The following ADGRL1 variants were observed in gnomAD, a reference collection of about 807,000 sequenced individuals.
ADGRL1 encodes the protein adhesion G protein-coupled receptor L1.
In ADGRL1, 31 loss-of-function variants were observed where a neutral mutation model predicts 148.9. The ratio of observed to expected loss-of-function variants is 0.21; its 90% CI spans 0.16 to 0.28. ADGRL1 has a LOEUF of 0.28. Among genes scored for constraint, ADGRL1 ranks in the 10% least tolerant of loss-of-function variants. The probability of loss-of-function intolerance (pLI) is 1.00; values close to 1 mark genes in which losing one functional copy is unlikely to be tolerated. For synonymous variants in ADGRL1, 937 were observed against 900.3 expected (o/e 1.04, Z -0.73); for missense variants, 1,521 against 2,058.8 (o/e 0.74, Z 5.05).
chr19:14,186,375 T>C (rs1971574054), intron 1 of ADGRL1, among the ~76,000 whole-genome samples: 1 of 152,170 alleles, frequency 6.6e-6, no homozygotes, highest in East Asian at 1.9e-4. Flanking sequence ...ATCCTCAACT[T>C]TTAGAATAGG....
chr19:14,185,145 G>A (rs945540535), intron 1 of ADGRL1, among the ~76,000 whole-genome samples: 10 of 151,934 alleles, frequency 6.6e-5, no homozygotes, highest in South Asian at 2.1e-4. Flanking sequence ...CTCTCTCCCC[G>A]CCTCAGTCTC....
chr19:14,155,675 A>G lies in ADGRL1; in HGVS notation c.3126-148T>C. On this transcript the variant is annotated intron_variant, in intron 17 of 22. Coordinates refer to ENST00000361434, the MANE Select transcript of ADGRL1 (RefSeq NM_014921.5). This position sits in a 1 kb window ranked among gnomAD's most constrained non-coding sequence, Gnocchi z 5.0. ...AGCGGGCCGAGTGGGCCTTGGGGGC[A>G]GTGGCCTGCCCAGGACACCTCCACC... The G allele has an allele frequency of 1.4e-6, 1 of 726,168 alleles. No individual in the cohort carries two copies. The highest frequency in any genetic ancestry group is 2.2e-6 in the Non-Finnish European group (1 of 448,190). The allele number at this position is 726,168 out of a possible 1,614,324, so 45.0% of individuals were successfully genotyped here.
At chr19:14,184,634 A>ATTTC (rs1166987303) in intron 1 of ADGRL1, among the ~76,000 whole-genome samples, 1 of 119,052 alleles carries the variant, frequency 8.4e-6, no homozygotes, top group Non-Finnish European at 1.6e-5. Context: ...TTATTTATTT[A>ATTTC]TTTATTTATT....
intron 11 of ADGRL1, 61 bp from the exon 12 acceptor site, chr19:14,158,613 G>A: frequency 1.4e-6 from 2 of 1,397,628 alleles, no homozygotes; most frequent in Non-Finnish European, 2.0e-6. Flanking sequence ...CTCCATCCAG[G>A]CCCCTGGCTT....
Position 14,155,626 on chromosome 19 carries a change from C to G in ADGRL1, c.3126-99G>C, listed in dbSNP as rs1002843332. On this transcript the variant is annotated intron_variant, in intron 17 of 22. Transcript: ENST00000361434. This position sits in a 1 kb window ranked among gnomAD's most constrained non-coding sequence, Gnocchi z 5.0. ...CTACAACGGGGGCCCTTGGGTGGGC[C>G]TGGGCACTGTCTGCAAAGCCCTGAG... 1 of 1,284,048 alleles carries G rather than the reference C, an allele frequency of 7.8e-7. No individual in the cohort carries two copies. Among genetic ancestry groups the G allele is most frequent in the African/African-American group, 1.5e-5 (1 of 67,632 alleles). 79.5% of individuals were successfully genotyped at this position (1,284,048 alleles called of 1,614,324 possible).
Position 14,148,324 on chromosome 19 carries a change from G to C in ADGRL1, c.*2549C>G, listed in dbSNP as rs1182153140. ...GGAAGCCACCCGGCGATGCCGGCTG[G>C]AACAGGACCCGATACACCCTCTCTC... On this transcript the variant is annotated 3_prime_UTR_variant, in exon 23 of 23. Coordinates refer to ENST00000361434, the MANE Select transcript of ADGRL1 (RefSeq NM_014921.5). 1 of 152,462 alleles carries C rather than the reference G, an allele frequency of 6.6e-6. No individual in the cohort carries two copies. Among genetic ancestry groups the C allele is most frequent in the Non-Finnish European group, 1.5e-5 (1 of 68,190 alleles). 9.4% of individuals were successfully genotyped at this position (152,462 alleles called of 1,614,324 possible).
chr19:14,181,523 A>G (rs796563910), intron 2 of ADGRL1, among the ~76,000 whole-genome samples: 6 of 152,312 alleles, frequency 3.9e-5, no homozygotes, highest in African/African-American at 1.4e-4. Context: ...ATTCGAGACT[A>G]GCCTGGCCAA....
chr19:14,183,914 G>C (rs759230578), intron 1 of ADGRL1, among the ~76,000 whole-genome samples: 1 of 152,174 alleles, frequency 6.6e-6, no homozygotes, highest in African/African-American at 2.4e-5. Context: ...TCTGGGCAAA[G>C]AGACTGCCAA....
rs147271531 is a variant in ADGRL1, at chr19:14,194,488, G to A, written c.-95-10791C>T. ...GACGGACAGCTCCAAGTGCCAGCCCGAGCAGCTTCCACGTGTAACTCATGT... is the reference window on the plus strand; with the variant it reads ...GACGGACAGCTCCAAGTGCCAGCCCAAGCAGCTTCCACGTGTAACTCATGT... On this transcript the variant is annotated intron_variant, in intron 1 of 22. Transcript: ENST00000361434. Among the ~76,000 whole-genome samples the A allele has an allele frequency of 1.9e-4, 29 of 152,356 alleles. No homozygotes were observed. The South Asian group carries it at 2.9e-3, about 15-fold the overall frequency.
chr19:14,179,982 G>C (rs1003586570), intron 2 of ADGRL1, among the ~76,000 whole-genome samples: 1 of 152,098 alleles, frequency 6.6e-6, no homozygotes, highest in Non-Finnish European at 1.5e-5. Context: ...AGGAGCTTTG[G>C]GTCACATAGT....
chr19:14,164,384 C>A (rs1217053234), intron 4 of ADGRL1, among the ~76,000 whole-genome samples: 142 of 152,120 alleles, frequency 9.3e-4, no homozygotes, highest in Non-Finnish European at 4.4e-5. Context: ...TTGGCGAGGT[C>A]CTGGCTCCGT....
At chr19:14,200,913 CCACTGGCAACCTCTACTCTACAGCCAT>C (rs1473348561) in intron 1 of ADGRL1, among the ~76,000 whole-genome samples, 1 of 152,228 alleles carries the variant, frequency 6.6e-6, no homozygotes, top group Non-Finnish European at 1.5e-5. Context: ...CCACTTTTTC[CCACTGGCAACCTCTACTCTACAGCCAT>C]CACTGCCAAC....
chr19:14,152,341 T>C lies in ADGRL1; in HGVS notation c.3617A>G (p.Asn1206Ser). Residue 1206 changes from asparagine (N) to serine (S), a missense_variant, in exon 21 of 23, where the codon AAT becomes AGT. By Grantham distance (46) the Asn-to-Ser change is conservative. Coordinates refer to ENST00000361434, the MANE Select transcript of ADGRL1 (RefSeq NM_014921.5). The surrounding 1 kb of genome is among the most constrained non-coding windows in gnomAD (Gnocchi z 6.1). ...GTTGAAGACAGGGGGCGAGGAGGGA[T>C]TGAAGCCCACTGACTCGGCGATGAG... ...NTLIAESVGF[N>S]PSSPPVFNSP... The C allele has an allele frequency of 1.3e-6, 2 of 1,598,190 alleles. No homozygotes were observed. Among genetic ancestry groups the C allele is most frequent in the Non-Finnish European group, 1.7e-6 (2 of 1,170,292 alleles).
intron 4 of ADGRL1, among the ~76,000 whole-genome samples, chr19:14,167,238 T>A (rs559111131): frequency 2.8e-4 from 43 of 151,292 alleles, no homozygotes; most frequent in Non-Finnish European, 5.5e-4. Context: ...CTGGGGGTGG[T>A]CAGGTGGGGT....
intron 1 of ADGRL1, among the ~76,000 whole-genome samples, chr19:14,197,577 C>T (rs1469672497): frequency 6.6e-6 from 1 of 152,180 alleles, no homozygotes; most frequent in Admixed American, 6.5e-5. Flanking sequence ...CAGCGTCTGT[C>T]TCTCTCTCAC....
Position 14,162,823 on chromosome 19 carries a change from C to T in ADGRL1, c.978G>A (p.Val326=). The part of the protein sequence containing the change: ...VCGVLYVLRS[V]YVDDDSEAAG... The stretch of plus-strand genomic sequence containing the variant: ...CCGCCTCGCTGTCATCATCCACGTA[C>T]ACGGAACGCAGGACGTACAGGACCC... Residue 326 remains valine (V), a synonymous_variant, in exon 5 of 23, where the codon GTG becomes GTA. Transcript: ENST00000361434. This position sits in a 1 kb window ranked among gnomAD's most constrained non-coding sequence, Gnocchi z 5.4. The T allele has an allele frequency of 6.2e-7, 1 of 1,614,000 alleles. No homozygotes were observed. Among genetic ancestry groups the T allele is most frequent in the Non-Finnish European group, 8.5e-7 (1 of 1,180,004 alleles).
At chr19:14,182,242 ATTG>A (rs1000163874) in intron 2 of ADGRL1, among the ~76,000 whole-genome samples, 2 of 152,156 alleles carry the variant, frequency 1.3e-5, no homozygotes, top group African/African-American at 2.4e-5. Context: ...AATGCTAATT[ATTG>A]TTATTATGAA....
In ADGRL1 at chr19:14,151,308, C is replaced by T. The variant is rs529201409; in HGVS notation, c.3975G>A (p.Arg1325=). ...CCTTATAGAGAAGTTCAATCTCGGC[C>T]CGGTCAGCACCCCCGGGCCCGCCCG... ...EEAGGPGGAD[R]AEIELLYKAL... Residue 1325 remains arginine, a synonymous_variant, in exon 23 of 23, where the codon CGG becomes CGA. Coordinates refer to ENST00000361434, the MANE Select transcript of ADGRL1 (RefSeq NM_014921.5). 3.1e-6 allele frequency: 5 copies of T among 1,602,246 alleles called. No homozygotes were observed. In the African/African-American group the frequency reaches 5.4e-5, roughly 17 times the overall value.
In ADGRL1 at chr19:14,150,142, G is replaced by C. The variant is rs1968025375; in HGVS notation, c.*731C>G. On this transcript the variant is annotated 3_prime_UTR_variant, in exon 23 of 23. Coordinates refer to ENST00000361434, the MANE Select transcript of ADGRL1 (RefSeq NM_014921.5). ...CCAAATATGGCCACCCCTGTGGGCT[G>C]GGGGCCCTGCGGGGAGTTGTGCTTC... 1 of 152,440 alleles carries C rather than the reference G, an allele frequency of 6.6e-6. No homozygotes were observed. The allele number at this position is 152,440 out of a possible 1,614,324, so 9.4% of individuals were successfully genotyped here.
Sources: allele counts gnomAD v4.1 joint callset (sites outside exome capture counted in the v4.1 genomes callset), GRCh38; gene constraint gnomAD v4.1.1; non-coding constraint Gnocchi (gnomAD v3.1); transcripts MANE v1.5; gene names NCBI Gene and HGNC (gene_info 2026-07-23, HGNC 2026-07-21).